The following MYO1E variants were observed in gnomAD, a reference collection of about 807,000 sequenced individuals.
The protein encoded by MYO1E is unconventional myosin-Ie.
A neutral mutation model predicts 151.1 loss-of-function variants in MYO1E; 68 were observed. That is an observed-to-expected ratio of 0.45 (90% CI 0.37 to 0.55). MYO1E has a LOEUF of 0.55. Among genes scored for constraint, MYO1E ranks in the 20% least tolerant of loss-of-function variants. The pLI is 0.00. For missense variants in MYO1E, 1,363 were observed against 1,389.3 expected, an observed-to-expected ratio of 0.98 and a Z score of 0.30; for synonymous variants, 601 against 501.7, an observed-to-expected ratio of 1.20 and a Z score of -2.64.
chr15:59,249,224 C>T (rs572060178), intron 4 of MYO1E, among the ~76,000 whole-genome samples: 1 of 152,064 alleles, frequency 6.6e-6, no homozygotes. Flanking sequence ...GAGATCAAGA[C>T]CACCCTGGCC....
intron 1 of MYO1E, among the ~76,000 whole-genome samples, chr15:59,284,744 G>A (rs575872960): frequency 6.6e-6 from 1 of 151,902 alleles, no homozygotes; most frequent in Admixed American, 6.6e-5. Flanking sequence ...CAAAGTGCTG[G>A]GATTATAGGT....
rs35457560 is a variant in MYO1E at position 59,338,284 on chromosome 15, C to CTT, written c.3+34212_3+34213dup. ...GCTATATAAACTAGATCAGTATTGACTTTTTTTTTTTTTTTTTGCTTGAAA... is the reference window on the plus strand; with the variant it reads ...GCTATATAAACTAGATCAGTATTGACTTTTTTTTTTTTTTTTTTTGCTTGAAA... On this transcript the variant is annotated intron_variant, in intron 1 of 27. Coordinates refer to ENST00000288235, the MANE Select transcript of MYO1E (RefSeq NM_004998.4). 5.8e-3 allele frequency among the ~76,000 whole-genome samples: 748 copies of CTT among 128,634 alleles called. 10 individuals carry two copies. Among genetic ancestry groups the CTT allele is most frequent in the African/African-American group, 0.016 (571 of 35,196 alleles). The allele number at this position is 128,634 out of a possible 152,430, so 84.4% of individuals were successfully genotyped here.
In MYO1E at chr15:59,134,324, C is replaced by T. The variant is rs2079360036; in HGVS notation, c.*3056G>A. 1 of 152,198 alleles carries T rather than the reference C, an allele frequency of 6.6e-6. No individual in the cohort carries two copies. Among genetic ancestry groups the T allele is most frequent in the East Asian group, 1.9e-4 (1 of 5,196 alleles). 9.4% of individuals were successfully genotyped at this position (152,198 alleles called of 1,614,324 possible). On this transcript the variant is annotated 3_prime_UTR_variant, in exon 28 of 28. Coordinates refer to ENST00000288235, the MANE Select transcript of MYO1E (RefSeq NM_004998.4). ...AGCAAGCTTATTCAAGAAGGCTTCA[C>T]CCTTTGTCCTCTCCACATGTCTCTG... is the stretch of plus-strand genomic sequence containing the variant.
chr15:59,342,899 T>C (rs966209969), intron 1 of MYO1E, among the ~76,000 whole-genome samples: 7 of 152,176 alleles, frequency 4.6e-5, no homozygotes, highest in African/African-American at 1.7e-4. Flanking sequence ...AGACAACCAA[T>C]AAAAACTCTA....
chr15:59,214,318 G>GAA lies in MYO1E; in HGVS notation c.1189-6_1189-5dup. ...AAAACTGTTCAAAGCCATTTTTCTG[G>GAA]AAAAAAAAAGTTATTCACATGTAAT... On this transcript the variant is annotated splice_region_variant and splice_polypyrimidine_tract_variant and intron_variant, in intron 11 of 27. Coordinates refer to ENST00000288235, the MANE Select transcript of MYO1E (RefSeq NM_004998.4). 6.3e-7 allele frequency: 1 copy of GAA among 1,584,618 alleles called. No homozygotes were observed. The highest frequency in any genetic ancestry group is 8.6e-7 in the Non-Finnish European group (1 of 1,159,688).
chr15:59,281,018 G>C (rs896364274), intron 1 of MYO1E, among the ~76,000 whole-genome samples: 1 of 152,076 alleles, frequency 6.6e-6, no homozygotes, highest in Non-Finnish European at 1.5e-5. Flanking sequence ...ATGAGGACAA[G>C]GGTCCTGGAT....
intron 1 of MYO1E, among the ~76,000 whole-genome samples, chr15:59,324,725 C>T (rs17302331): frequency 0.036 from 5,394 of 150,112 alleles, 233 homozygotes; most frequent in East Asian, 0.19. Context: ...GATGAATGCT[C>T]AAGTGCTGCA....
At chr15:59,372,300 TCCTTGGCCCCTCGCTCGCTCTC>T in intron 1 of MYO1E, among the ~76,000 whole-genome samples, 176 bp downstream of exon 1, 1 of 152,126 alleles carries the variant, frequency 6.6e-6, no homozygotes, top group East Asian at 1.9e-4. Context: ...AATAAAGTTT[TCCTTGGCCCCTCGCTCGCTCTC>T]CCCCGGCCCG....
At chr15:59,264,657 T>C (rs868792814) in intron 2 of MYO1E, among the ~76,000 whole-genome samples, 10 of 152,238 alleles carry the variant, frequency 6.6e-5, no homozygotes, top group Non-Finnish European at 1.0e-4. Flanking sequence ...ATGCTTTGCA[T>C]ACTCGAAAAC....
intron 25 of MYO1E, among the ~76,000 whole-genome samples, chr15:59,157,320 T>C (rs2079514865): frequency 6.6e-6 from 1 of 152,224 alleles, no homozygotes; most frequent in Admixed American, 6.5e-5. Flanking sequence ...GCCTCCTGAA[T>C]CCTAATCTCA....
intron 18 of MYO1E, among the ~76,000 whole-genome samples, chr15:59,179,016 G>C (rs79691957): frequency 0.041 from 6,307 of 152,298 alleles, 135 homozygotes; most frequent in African/African-American, 0.05. Flanking sequence ...TCTGGGTCAC[G>C]AGGCCCTTGG....
intron 1 of MYO1E, among the ~76,000 whole-genome samples, chr15:59,288,067 T>C (rs1385303969): frequency 6.6e-6 from 1 of 152,238 alleles, no homozygotes; most frequent in Non-Finnish European, 1.5e-5. Flanking sequence ...CAGTTCTCAC[T>C]TTGCAAACAA....
At chr15:59,145,822 C>T (rs2079437969) in intron 26 of MYO1E, among the ~76,000 whole-genome samples, 1 of 152,196 alleles carries the variant, frequency 6.6e-6, no homozygotes, top group Non-Finnish European at 1.5e-5. Flanking sequence ...ACACTGGTAG[C>T]TTGAAATTGG....
At chr15:59,204,276 G>C (rs1477225423) in intron 15 of MYO1E, among the ~76,000 whole-genome samples, 1 of 152,188 alleles carries the variant, frequency 6.6e-6, no homozygotes, top group South Asian at 2.1e-4. Flanking sequence ...GGGTGAGGAG[G>C]GGTAGGGAGC....
Position 59,214,241 on chromosome 15 carries a change from A to G in MYO1E, c.1262T>C (p.Leu421Ser). 2 of 1,612,212 alleles carry G rather than the reference A, an allele frequency of 1.2e-6. No individual in the cohort carries two copies. The highest frequency in any genetic ancestry group is 1.7e-6 in the Non-Finnish European group (2 of 1,178,638). ...KLQQIFIELT[L>S]KAEQEEYVQE... ...GGGACTGCTTACCTGTTCTGCCTTTAATGTCAGTTCAATAAAAATCTGCTG... is the reference window on the plus strand; with the variant it reads ...GGGACTGCTTACCTGTTCTGCCTTTGATGTCAGTTCAATAAAAATCTGCTG... The change falls in exon 12 of 28, where the codon TTA (leucine) becomes TCA (serine). Residue 421 changes from leucine to serine, a missense_variant. Coordinates refer to ENST00000288235, the MANE Select transcript of MYO1E (RefSeq NM_004998.4).
rs1024674106 is a variant in MYO1E, at chr15:59,359,304, T to C, written c.3+13194A>G. On this transcript the variant is annotated intron_variant, in intron 1 of 27. Transcript: ENST00000288235. ...ACATATATATATATATGTATGTGTA[T>C]ATATATATAATATATATATATATTT... 8.0e-4 allele frequency among the ~76,000 whole-genome samples: 116 copies of C among 144,798 alleles called. 1 individual carries two copies. The highest frequency in any genetic ancestry group is 2.8e-3 in the African/African-American group (110 of 39,156). The allele number at this position is 144,798 out of a possible 152,430, so 95.0% of individuals were successfully genotyped here.
intron 1 of MYO1E, among the ~76,000 whole-genome samples, chr15:59,332,844 T>G (rs552654254): frequency 2.6e-5 from 4 of 152,122 alleles, no homozygotes; most frequent in African/African-American, 7.2e-5. Context: ...ATTACAGGCA[T>G]GAGCCACCAC....
At chr15:59,155,432 G>C (rs1352009150) in intron 25 of MYO1E, among the ~76,000 whole-genome samples, 3 of 152,242 alleles carry the variant, frequency 2.0e-5, no homozygotes. Context: ...AAAACTCCTG[G>C]TCTTTCACCA....
intron 2 of MYO1E, among the ~76,000 whole-genome samples, chr15:59,264,251 C>T (rs753020235): frequency 6.6e-6 from 1 of 152,158 alleles, no homozygotes; most frequent in African/African-American, 2.4e-5. Context: ...TCAGCCTGTA[C>T]AGGGAAACTG....
Sources: allele counts gnomAD v4.1 joint callset (sites outside exome capture counted in the v4.1 genomes callset), GRCh38; gene constraint gnomAD v4.1.1; transcripts MANE v1.5; gene names NCBI Gene and HGNC (gene_info 2026-07-23, HGNC 2026-07-21).